ARHGAP39: variants seen among roughly 807,000 people sequenced by gnomAD.
ARHGAP39 encodes the protein Rho GTPase activating protein 39.
In ARHGAP39, 44 loss-of-function variants were observed where a neutral mutation model predicts 106.9. That is an observed-to-expected ratio of 0.41 (90% CI 0.32 to 0.53). ARHGAP39 has a LOEUF of 0.53. Among genes scored for constraint, ARHGAP39 ranks in the 20% least tolerant of loss-of-function variants. ARHGAP39 has a pLI of 0.21. For missense variants in ARHGAP39, 1,496 were observed against 1,577.3 expected, an observed-to-expected ratio of 0.95 and a Z score of 0.87; for synonymous variants, 768 against 693.2, an observed-to-expected ratio of 1.11 and a Z score of -1.69.
intron 3 of ARHGAP39, among the ~76,000 whole-genome samples, chr8:144,567,542 T>G (rs1250314598): frequency 6.6e-6 from 1 of 152,174 alleles, no homozygotes; most frequent in African/African-American, 2.4e-5. Context: ...CCACCTCTTG[T>G]GGAGGGCCTG....
intron 1 of ARHGAP39, among the ~76,000 whole-genome samples, chr8:144,642,161 C>T (rs1821328217): frequency 6.6e-6 from 1 of 152,150 alleles, no homozygotes; most frequent in African/African-American, 2.4e-5. Context: ...AACATGAGAC[C>T]TCGTCTCTAT....
chr8:144,662,681 A>C (rs576303118), intron 1 of ARHGAP39, among the ~76,000 whole-genome samples: 3 of 128,734 alleles, frequency 2.3e-5, no homozygotes, highest in Non-Finnish European at 4.8e-5. Flanking sequence ...TCCGCTTTGG[A>C]CTGCTCCCCA....
chr8:144,677,187 T>TGGA (rs1822265488), intron 1 of ARHGAP39, among the ~76,000 whole-genome samples: 2 of 152,400 alleles, frequency 1.3e-5, no homozygotes, highest in Admixed American at 1.3e-4. Context: ...CATCCGCTGA[T>TGGA]GGACATTTAG....
rs1015531753 is a variant in ARHGAP39 at position 144,547,424 on chromosome 8, C to A, written c.1662G>T (p.Leu554=). The A allele has an allele frequency of 1.3e-6, 2 of 1,590,616 alleles. No individual in the cohort carries two copies. Among genetic ancestry groups the A allele is most frequent in the East Asian group, 4.5e-5 (2 of 44,494 alleles). ...CCTCCCAGGCCAGCCGAGCCTGCGC[C>A]AGGAAGGGCTCGGCCGCGCCCCGCG... ...EGARGAAEPF[L]AQARLAWEAQ... The change falls in exon 5 of 12, where the codon CTG becomes CTT. Residue 554 remains leucine (L), a synonymous_variant. Transcript: ENST00000377307. The surrounding 1 kb of genome is among the most constrained non-coding windows in gnomAD (Gnocchi z 5.2).
intron 3 of ARHGAP39, among the ~76,000 whole-genome samples, chr8:144,574,474 T>G (rs1374762449): frequency 6.6e-6 from 1 of 152,044 alleles, no homozygotes; most frequent in Non-Finnish European, 1.5e-5. Flanking sequence ...ATCGAGACCA[T>G]CCTGGCTAAC....
Position 144,580,577 on chromosome 8 carries a change from C to A in ARHGAP39, c.512+269G>T, listed in dbSNP as rs79343622. The stretch of plus-strand genomic sequence containing the variant: ...CTGAGTCCCCTGGGTCCCCGCCCAC[C>A]GCCCTCACCTGGCCCTGCCCACCAT... On this transcript the variant is annotated intron_variant, in intron 3 of 11. Coordinates refer to ENST00000377307, the MANE Select transcript of ARHGAP39 (RefSeq NM_025251.3). Among the ~76,000 whole-genome samples, 135 of 152,008 alleles carry A rather than the reference C, an allele frequency of 8.9e-4. 1 individual carries two copies. The East Asian group carries it at 0.024, about 27-fold the overall frequency.
At chr8:144,665,490 T>C (rs930083281) in intron 1 of ARHGAP39, among the ~76,000 whole-genome samples, 34 of 151,714 alleles carry the variant, frequency 2.2e-4, no homozygotes, top group African/African-American at 7.8e-4. Flanking sequence ...CCTGCCACCA[T>C]AGGTGCAGAG....
chr8:144,537,649 G>T, intron 7 of ARHGAP39, 72 bp downstream of exon 7: 9 of 1,208,988 alleles, frequency 7.4e-6, no homozygotes, highest in East Asian at 2.4e-5. Context: ...GAGAAGAGAA[G>T]GCCAGGCGGC....
At chr8:144,561,528 C>CCCAGTGGTTTCCATCACACT (rs1818157439) in intron 3 of ARHGAP39, among the ~76,000 whole-genome samples, 1 of 146,394 alleles carries the variant, frequency 6.8e-6, no homozygotes, top group South Asian at 2.2e-4. Context: ...TCCATCAGAC[C>CCCAGTGGTTTCCATCACACT]CCAGTGGTTT....
At chr8:144,549,499 G>T (rs1817615279) in intron 4 of ARHGAP39, among the ~76,000 whole-genome samples, 1 of 152,084 alleles carries the variant, frequency 6.6e-6, no homozygotes, top group Non-Finnish European at 1.5e-5. Context: ...ACGTGGTTTT[G>T]TTTTGTTTTT....
intron 1 of ARHGAP39, among the ~76,000 whole-genome samples, chr8:144,619,498 G>A (rs1011168826): frequency 2.6e-5 from 4 of 152,238 alleles, no homozygotes; most frequent in East Asian, 3.9e-4. Context: ...GTTTGTGTGA[G>A]CCTCTGTGTC....
chr8:144,533,601 C>G (rs1816822706), intron 8 of ARHGAP39, among the ~76,000 whole-genome samples: 1 of 152,226 alleles, frequency 6.6e-6, no homozygotes. Context: ...GAGCTACGGA[C>G]AAGCCCAGCT....
At chr8:144,682,240 A>G (rs1361449649) in intron 1 of ARHGAP39, among the ~76,000 whole-genome samples, 1,478 of 47,236 alleles carry the variant, frequency 0.031, no homozygotes, top group Middle Eastern at 0.19. Flanking sequence ...GCAAGACTCT[A>G]TCTCAAAAAA....
chr8:144,697,332 A>C, the ARHGAP39 span, among the ~76,000 whole-genome samples: 1 of 150,600 alleles, frequency 6.6e-6, no homozygotes, highest in Non-Finnish European at 1.5e-5. Context: ...AAAAAAAAAA[A>C]AGTAATAGCT....
Position 144,598,270 on chromosome 8 carries a change from G to A in ARHGAP39, c.80+7265C>T, listed in dbSNP as rs181010304. ...CCAGCCGTGGGCCTTTCCACGTTGC[G>A]TGTAAAGGGGAAACTCGGAACCCAG... On this transcript the variant is annotated intron_variant, in intron 2 of 11. Coordinates refer to ENST00000377307, the MANE Select transcript of ARHGAP39 (RefSeq NM_025251.3). 1.7e-4 allele frequency among the ~76,000 whole-genome samples: 26 copies of A among 152,288 alleles called. No homozygotes were observed. In the East Asian group the frequency reaches 4.1e-3, roughly 24 times the overall value.
In ARHGAP39 at chr8:144,684,812, G is replaced by C. The variant is rs971646773; in HGVS notation, c.-82+874C>G. ...GAAGGCTCCGAGCGCCGGAGCCCCA[G>C]CCCGCGCCTGCCGCAGAGGCGAGGC... On this transcript the variant is annotated intron_variant, in intron 1 of 11. Transcript: ENST00000377307. This position sits in a 1 kb window ranked among gnomAD's most constrained non-coding sequence, Gnocchi z 4.4. 6.6e-6 allele frequency among the ~76,000 whole-genome samples: 1 copy of C among 152,184 alleles called. No individual in the cohort carries two copies. The highest frequency in any genetic ancestry group is 1.5e-5 in the Non-Finnish European group (1 of 68,006).
chr8:144,619,876 G>A (rs1264350687), intron 1 of ARHGAP39, among the ~76,000 whole-genome samples: 4 of 148,600 alleles, frequency 2.7e-5, no homozygotes, highest in Non-Finnish European at 3.0e-5. Context: ...GCGTGAGCCC[G>A]TGTGAGTGAG....
chr8:144,633,750 T>C (rs892021513), intron 1 of ARHGAP39, among the ~76,000 whole-genome samples: 41 of 152,160 alleles, frequency 2.7e-4, no homozygotes, highest in African/African-American at 9.2e-4. Flanking sequence ...GCAGTGGTGA[T>C]TGCAGATCCT....
chr8:144,538,267 C>T (rs1409571146), intron 6 of ARHGAP39, among the ~76,000 whole-genome samples: 2 of 152,234 alleles, frequency 1.3e-5, no homozygotes, highest in Non-Finnish European at 2.9e-5. Context: ...AGGGGGCTCC[C>T]CTCAGGCTGA....
Sources: allele counts gnomAD v4.1 joint callset (sites outside exome capture counted in the v4.1 genomes callset), GRCh38; gene constraint gnomAD v4.1.1; non-coding constraint Gnocchi (gnomAD v3.1); transcripts MANE v1.5; gene names NCBI Gene and HGNC (gene_info 2026-07-23, HGNC 2026-07-21).